Variants in PAGE5 observed in about 807,000 individuals in gnomAD.
The protein encoded by PAGE5 is PAGE family member 5, also known as P antigen family member 5.
In PAGE5, 8 loss-of-function variants were observed where a neutral mutation model predicts 8.1. The observed-to-expected ratio is 0.98, with a 90% CI of 0.58 to 1.77. The LOEUF is 1.77. Ranked by LOEUF, PAGE5 falls within the 40% of genes most tolerant of loss-of-function variation. The pLI is 0.00. For missense variants in PAGE5, 64 were observed against 77.6 expected, an observed-to-expected ratio of 0.82 and a Z score of 0.66; for synonymous variants, 30 against 27.0, an observed-to-expected ratio of 1.11 and a Z score of -0.35.
intron 4 of PAGE5, among the ~76,000 whole-genome samples, chrX:55,223,092 A>G (rs1937915032): frequency 8.9e-6 from 1 of 112,462 alleles, no homozygotes; most frequent in African/African-American, 3.2e-5. Flanking sequence ...CTTCACAGCT[A>G]TATGAAATAA....
In PAGE5 at chrX:55,224,050, A is replaced by G. The variant is rs1429863952; in HGVS notation, c.*47A>G. On this transcript the variant is annotated 3_prime_UTR_variant, in exon 5 of 5. Transcript: ENST00000374955. ...GACTGAAACCAAGAATATTGTTCTT[A>G]TGCTGGAAATTTGACTGCTAACATT... 2.9e-6 allele frequency: 3 copies of G among 1,020,780 alleles called. No individual in the cohort carries two copies. The allele number at this position is 1,020,780 out of a possible 1,213,427, so 84.1% of individuals were successfully genotyped here.
intron 1 of PAGE5, 160 bp downstream of exon 1, chrX:55,220,612 T>G: frequency 8.3e-7 from 1 of 1,200,761 alleles, no homozygotes; most frequent in Non-Finnish European, 1.1e-6. Flanking sequence ...GCAGGCGCCA[T>G]GGGCCGGTAA....
At chrX:55,220,569 G>A (rs368513738) in intron 1 of PAGE5, 117 bp downstream of exon 1, 97 of 1,176,702 alleles carry the variant, frequency 8.2e-5, no homozygotes, top group South Asian at 2.8e-4. Flanking sequence ...AAAGGGCCTC[G>A]CGGTGGTCCT....
rs1937928133 is a variant in PAGE5 at position 55,224,108 on chromosome X, A to C, written c.*105A>C. The C allele has an allele frequency of 1.8e-6, 1 of 565,795 alleles. No individual in the cohort carries two copies. Among genetic ancestry groups the C allele is most frequent in the Non-Finnish European group, 2.7e-6 (1 of 374,760 alleles). The allele number at this position is 565,795 out of a possible 1,213,427, so 46.6% of individuals were successfully genotyped here. A position where few individuals can be genotyped will look rare whatever the true frequency, so the allele number is the denominator to read the frequency against. On this transcript the variant is annotated 3_prime_UTR_variant, in exon 5 of 5. Coordinates refer to ENST00000374955, the MANE Select transcript of PAGE5 (RefSeq NM_001013435.3). ...TAAAGTTTTACAGTTTTCTGCAAAG[A>C]CTTCTGCACTTTTTTGTTAAATTTA...
rs1162613280 is a variant in PAGE5 at position 55,224,102 on chromosome X, G to C, written c.*99G>C. ...TCTTAATAAAGTTTTACAGTTTTCT[G>C]CAAAGACTTCTGCACTTTTTTGTTA... On this transcript the variant is annotated 3_prime_UTR_variant, in exon 5 of 5. Coordinates refer to ENST00000374955, the MANE Select transcript of PAGE5 (RefSeq NM_001013435.3). The C allele has an allele frequency of 1.6e-6, 1 of 634,073 alleles. No homozygotes were observed. The highest frequency in any genetic ancestry group is 2.3e-5 in the African/African-American group (1 of 43,684). The allele number at this position is 634,073 out of a possible 1,213,427, so 52.3% of individuals were successfully genotyped here. A position where few individuals can be genotyped will look rare whatever the true frequency, so the allele number is the denominator to read the frequency against.
intron 3 of PAGE5, among the ~76,000 whole-genome samples, chrX:55,222,309 C>T (rs1233677009): frequency 8.9e-6 from 1 of 111,755 alleles, no homozygotes; most frequent in Non-Finnish European, 1.9e-5. Flanking sequence ...ATATACTAAG[C>T]GCCGGAGATG....
At position 55,221,887 on chromosome X, in the gene PAGE5, G is replaced by A. The variant is rs5914274; in HGVS notation, c.190+12G>A. 0.31 allele frequency: 364,449 copies of A among 1,188,643 alleles called. 39,235 individuals are homozygous for A. The highest frequency in any genetic ancestry group is 0.49 in the Admixed American group (21,281 of 43,614). ...ACCTGCTGTTCAAGGTGAAGGGAGA[G>A]TGGAGAATAATGCTTATGGGTGGTG... On this transcript the variant is annotated intron_variant, in intron 3 of 4. Transcript: ENST00000374955.
In PAGE5 at chrX:55,220,372, G is replaced by A. The variant is rs1937872781; in HGVS notation, c.-89G>A. 4.9e-6 allele frequency: 2 copies of A among 409,470 alleles called. No homozygotes were observed. Among genetic ancestry groups the A allele is most frequent in the Non-Finnish European group, 8.7e-6 (2 of 229,552 alleles). The allele number at this position is 409,470 out of a possible 1,213,427, so 33.7% of individuals were successfully genotyped here. A position where few individuals can be genotyped will look rare whatever the true frequency, so the allele number is the denominator to read the frequency against. ...TTCTGTCTAGGCAGAGCTCTGCAAG[G>A]AGAGGTTGTGTCTTCGTTCTTTCCG... On this transcript the variant is annotated 5_prime_UTR_variant, in exon 1 of 5. Transcript: ENST00000374955.
chrX:55,222,675 C>A lies in PAGE5; in HGVS notation c.245C>A (p.Ala82Glu), dbSNP rs772465121. 1.6e-5 allele frequency: 19 copies of A among 1,206,230 alleles called. No homozygotes were observed. In the East Asian group the frequency reaches 4.1e-4, roughly 26 times the overall value. The change falls in exon 4 of 5, where the codon GCA (alanine) becomes GAA (glutamate). Residue 82 changes from alanine to glutamate, a missense_variant. By Grantham distance (107) the Ala-to-Glu change is moderately radical. Coordinates refer to ENST00000374955, the MANE Select transcript of PAGE5 (RefSeq NM_001013435.3). ...QELALLKIED[A>E]PGDGPDVREG... The stretch of plus-strand genomic sequence containing the variant: ...CTGGCTCTGCTTAAGATAGAGGATG[C>A]ACCTGGAGATGGTCCTGATGTCAGG...
chrX:55,222,100 G>A (rs942020567), intron 3 of PAGE5, among the ~76,000 whole-genome samples: 8 of 111,933 alleles, frequency 7.1e-5, no homozygotes, highest in African/African-American at 2.3e-4. Flanking sequence ...CATGGTTGCC[G>A]TAAACCTTTG....
intron 3 of PAGE5, 140 bp downstream of exon 3, chrX:55,222,015 G>A: frequency 1.5e-6 from 1 of 682,612 alleles, no homozygotes; most frequent in Non-Finnish European, 2.2e-6. Flanking sequence ...GTGCGGAGGG[G>A]TGGGACAAGG....
At chrX:55,221,973 G>C (rs992660521) in intron 3 of PAGE5, 98 bp downstream of exon 3, 22 of 909,326 alleles carry the variant, frequency 2.4e-5, no homozygotes, top group Non-Finnish European at 3.4e-5. Flanking sequence ...GAAAACATTA[G>C]GAAGGAATCT....
At chrX:55,221,230 C>A (rs1937886798) in intron 1 of PAGE5, 145 bp from the exon 2 acceptor site, 7 of 526,085 alleles carry the variant, frequency 1.3e-5, no homozygotes, top group Non-Finnish European at 2.2e-5. Context: ...GATTGGAAAG[C>A]ATGCGTACTT....
chrX:55,221,911 T>G (rs771231644), intron 3 of PAGE5, 36 bp downstream of exon 3: 10 of 1,141,914 alleles, frequency 8.8e-6, no homozygotes, highest in Non-Finnish European at 1.2e-5. Flanking sequence ...TTATGGGTGG[T>G]GGAGGTCTAT....
intron 3 of PAGE5, 99 bp from the exon 4 acceptor site, chrX:55,222,522 C>A: frequency 2.1e-6 from 2 of 943,650 alleles, no homozygotes; most frequent in South Asian, 4.2e-5. Flanking sequence ...AAATAATTAG[C>A]CTACAGGTTT....
At chrX:55,220,644 G>A in intron 1 of PAGE5, 192 bp downstream of exon 1, 1 of 1,202,121 alleles carries the variant, frequency 8.3e-7, no homozygotes, top group Non-Finnish European at 1.1e-6. Context: ...CTGGAACGAG[G>A]GAGGAAGGTA....
At chrX:55,222,588 T>C in intron 3 of PAGE5, 33 bp from the exon 4 acceptor site, 4 of 1,178,081 alleles carry the variant, frequency 3.4e-6, no homozygotes, top group Non-Finnish European at 2.3e-6. Flanking sequence ...GTTCATATTT[T>C]AATTCGTAAA....
intron 1 of PAGE5, 37 bp downstream of exon 1, chrX:55,220,489 G>A (rs1937875240): frequency 1.4e-6 from 1 of 707,266 alleles, no homozygotes; most frequent in Admixed American, 2.7e-5. Context: ...TAATTTAGTT[G>A]TGAGTGAATG....
intron 3 of PAGE5, among the ~76,000 whole-genome samples, chrX:55,222,167 T>A (rs1937902108): frequency 8.9e-6 from 1 of 112,372 alleles, no homozygotes; most frequent in Non-Finnish European, 1.9e-5. Flanking sequence ...TTTTGTTTTG[T>A]TTTGTTTTGT....
Sources: gnomAD v4.1 joint callset for allele counts (sites outside exome capture counted in the v4.1 genomes callset) on GRCh38, gnomAD v4.1.1 for gene constraint, MANE v1.5 for transcripts, NCBI Gene and HGNC (gene_info 2026-07-23, HGNC 2026-07-21) for gene names.